Variants in KIAA1549L observed in about 807,000 individuals in gnomAD.
KIAA1549L encodes the protein UPF0606 protein KIAA1549L.
A neutral mutation model predicts 160.7 loss-of-function variants in KIAA1549L; 88 were observed. The ratio of observed to expected loss-of-function variants is 0.55; its 90% CI spans 0.46 to 0.65. The LOEUF is 0.65. Among genes scored for constraint, KIAA1549L ranks in the 30% least tolerant of loss-of-function variants. The pLI is 0.00. For synonymous variants in KIAA1549L, 950 were observed against 976.7 expected (o/e 0.97, Z 0.51); for missense variants, 2,258 against 2,437.5 (o/e 0.93, Z 1.55).
chr11:33,464,515 TGC>T lies in KIAA1549L; in HGVS notation c.239-77282_239-77281del, dbSNP rs1373567965. Among the ~76,000 whole-genome samples the T allele has an allele frequency of 9.2e-5, 12 of 130,100 alleles. No homozygotes were observed. In the South Asian group the frequency reaches 3.0e-3, roughly 32 times the overall value. The allele number at this position is 130,100 out of a possible 152,430, so 85.4% of individuals were successfully genotyped here. On this transcript the variant is annotated intron_variant, in intron 1 of 20. Coordinates refer to ENST00000658780, the MANE Select transcript of KIAA1549L (RefSeq NM_012194.3). ...GTGTGTGTGTGTGTGTGTGTGTGCGTGCGCGCATGCCCCCCCCCACACACGCA... is the reference window on the plus strand; with the variant it reads ...GTGTGTGTGTGTGTGTGTGTGTGCGTGCGCATGCCCCCCCCCACACACGCA...
chr11:33,552,334 AC>A, intron 6 of KIAA1549L, 93 bp downstream of exon 6: 1 of 1,353,574 alleles, frequency 7.4e-7, no homozygotes, highest in South Asian at 1.3e-5. Context: ...TTTCAGAGCT[AC>A]CATGTATAAA....
chr11:33,555,029 G>T (rs1186879693), intron 6 of KIAA1549L, among the ~76,000 whole-genome samples: 1 of 152,028 alleles, frequency 6.6e-6, no homozygotes, highest in Non-Finnish European at 1.5e-5. Context: ...AGGGATCAGT[G>T]CCATGACTTT....
chr11:33,579,605 G>A (rs559630588), intron 10 of KIAA1549L, among the ~76,000 whole-genome samples: 1 of 152,346 alleles, frequency 6.6e-6, no homozygotes, highest in Non-Finnish European at 1.5e-5. Context: ...ACACTGATGG[G>A]ATATCAAGGG....
At chr11:33,420,236 T>G (rs911275231) in intron 1 of KIAA1549L, among the ~76,000 whole-genome samples, 1 of 20,420 alleles carries the variant, frequency 4.9e-5, no homozygotes, top group African/African-American at 1.7e-4. Flanking sequence ...TTTTTTTTTG[T>G]TTTTTTTTTT....
rs771752374 is a variant in KIAA1549L at position 33,600,235 on chromosome 11, C to T, written c.4879+1288C>T. ...TTCTACATCAGAAATGGGGTGTGAC[C>T]TGTGGAATTTTCCTGCAATATCTGC... On this transcript the variant is annotated intron_variant, in intron 13 of 20. Transcript: ENST00000658780. Among the ~76,000 whole-genome samples, 32 of 152,162 alleles carry T rather than the reference C, an allele frequency of 2.1e-4. 1 individual carries two copies. Among genetic ancestry groups the T allele is most frequent in the Non-Finnish European group, 4.1e-4 (28 of 68,032 alleles).
At chr11:33,491,429 T>TA (rs1852661410) in intron 1 of KIAA1549L, among the ~76,000 whole-genome samples, 1 of 152,144 alleles carries the variant, frequency 6.6e-6, no homozygotes, top group African/African-American at 2.4e-5. Context: ...AGAAGGGGCT[T>TA]ATGTACACAA....
intron 1 of KIAA1549L, among the ~76,000 whole-genome samples, chr11:33,423,860 T>G (rs1851066365): frequency 6.6e-6 from 1 of 152,114 alleles, no homozygotes; most frequent in Admixed American, 6.5e-5. Flanking sequence ...AGATGCTGTC[T>G]CTACAAATAA....
intron 1 of KIAA1549L, among the ~76,000 whole-genome samples, chr11:33,379,210 CT>C (rs1565112493): frequency 6.6e-6 from 1 of 152,174 alleles, no homozygotes; most frequent in African/African-American, 2.4e-5. Flanking sequence ...AGATTTGTTT[CT>C]GGAAAATTCT....
rs1054926386 is a variant in KIAA1549L, at chr11:33,669,088, T to A, written c.*934T>A. ...AACAATGATGTCCAGTGTGTGCTGC[T>A]GAGTGGTACAAAAGGAAATAGTACT... On this transcript the variant is annotated 3_prime_UTR_variant, in exon 21 of 21. Transcript: ENST00000658780. The A allele has an allele frequency of 7.9e-5, 12 of 152,326 alleles. No individual in the cohort carries two copies. The highest frequency in any genetic ancestry group is 1.6e-4 in the Non-Finnish European group (11 of 68,032). The allele number at this position is 152,326 out of a possible 1,614,324, so 9.4% of individuals were successfully genotyped here.
intron 1 of KIAA1549L, among the ~76,000 whole-genome samples, chr11:33,534,367 A>T (rs1853845227): frequency 6.6e-6 from 1 of 151,788 alleles, no homozygotes; most frequent in African/African-American, 2.4e-5. Context: ...TGCTGAGATT[A>T]CAGGCATGAG....
At chr11:33,571,855 C>T (rs1464076532) in intron 9 of KIAA1549L, among the ~76,000 whole-genome samples, 2 of 152,250 alleles carry the variant, frequency 1.3e-5, no homozygotes, top group East Asian at 1.9e-4. Flanking sequence ...TCGGTTTGGG[C>T]AAGGCTGCAT....
At chr11:33,442,814 C>G (rs576937962) in intron 1 of KIAA1549L, among the ~76,000 whole-genome samples, 149 of 152,138 alleles carry the variant, frequency 9.8e-4, no homozygotes, top group Non-Finnish European at 1.8e-3. Flanking sequence ...AAACTTCACT[C>G]TGTCCCCCAT....
chr11:33,551,976 G>T, intron 5 of KIAA1549L, 132 bp from the exon 6 acceptor site: 1 of 996,760 alleles, frequency 1.0e-6, no homozygotes, highest in Non-Finnish European at 1.4e-6. Flanking sequence ...AGCAAACCTT[G>T]TCTGGCCTTA....
At chr11:33,403,390 C>T (rs962394412) in intron 1 of KIAA1549L, 1 of 148,270 alleles carries the variant, frequency 6.7e-6, no homozygotes, top group African/African-American at 2.6e-5. Flanking sequence ...CATACAGGGA[C>T]ACACATGGAC....
At chr11:33,508,142 A>G (rs908293547) in intron 1 of KIAA1549L, among the ~76,000 whole-genome samples, 3 of 152,158 alleles carry the variant, frequency 2.0e-5, no homozygotes, top group Non-Finnish European at 2.9e-5. Flanking sequence ...ATCTTGCGCA[A>G]TGCATCTGCT....
In KIAA1549L at chr11:33,606,640, G is replaced by T. The variant is rs768319175; in HGVS notation, c.4880-1G>T. 1 of 1,613,636 alleles carries T rather than the reference G, an allele frequency of 6.2e-7. No individual in the cohort carries two copies. The highest frequency in any genetic ancestry group is 1.3e-5 in the African/African-American group (1 of 74,916). On this transcript the variant is annotated splice_acceptor_variant, in intron 13 of 20. Transcript: ENST00000658780. LOFTEE classifies it high-confidence loss of function. Reference sequence around the variant, plus strand: ...ATCGATGTGTTTATGTTGTGCTTCAGTGCCAGCGAGTGACGAAGAGGAGGG... The same window carrying T: ...ATCGATGTGTTTATGTTGTGCTTCATTGCCAGCGAGTGACGAAGAGGAGGG...
At chr11:33,533,995 A>C (rs1043982601) in intron 1 of KIAA1549L, among the ~76,000 whole-genome samples, 2 of 152,228 alleles carry the variant, frequency 1.3e-5, no homozygotes, top group Non-Finnish European at 2.9e-5. Flanking sequence ...TGGTTGGGCA[A>C]TCATTGTAAA....
chr11:33,434,887 A>T (rs1391772097), intron 1 of KIAA1549L, among the ~76,000 whole-genome samples: 6 of 152,228 alleles, frequency 3.9e-5, no homozygotes, highest in Non-Finnish European at 7.3e-5. Context: ...ATCCTCTGGC[A>T]TGCAAATGTC....
intron 10 of KIAA1549L, among the ~76,000 whole-genome samples, chr11:33,580,956 A>G (rs1227170405): frequency 2.0e-5 from 3 of 152,208 alleles, no homozygotes; most frequent in Admixed American, 2.0e-4. Flanking sequence ...TTGAGTGACC[A>G]CCTGAAGAAA....
Sources: gnomAD v4.1 joint callset for allele counts (sites outside exome capture counted in the v4.1 genomes callset) on GRCh38, gnomAD v4.1.1 for gene constraint, MANE v1.5 for transcripts, NCBI Gene and HGNC (gene_info 2026-07-23, HGNC 2026-07-21) for gene names.